PNISR: variants seen among roughly 807,000 people sequenced by gnomAD.
PNISR encodes arginine/serine-rich protein PNISR.
In PNISR, 20 loss-of-function variants were observed where a neutral mutation model predicts 93.4. The observed-to-expected ratio is 0.21, with a 90% CI of 0.15 to 0.31. The LOEUF (loss-of-function observed/expected upper bound fraction) is 0.31, where lower values mean the gene tolerates loss of function less well. Ranked by LOEUF, PNISR falls within the 10% of genes least tolerant of loss-of-function variation. The pLI, the probability that PNISR is intolerant of heterozygous loss-of-function variation, is 1.00. For missense variants in PNISR, 893 were observed against 985.4 expected, an observed-to-expected ratio of 0.91 and a Z score of 1.25; for synonymous variants, 305 against 306.5, an observed-to-expected ratio of 0.99 and a Z score of 0.05.
At chr6:99,413,251 C>A (rs1047865823) in intron 3 of PNISR, among the ~76,000 whole-genome samples, 2 of 152,120 alleles carry the variant, frequency 1.3e-5, no homozygotes, top group African/African-American at 4.8e-5. Flanking sequence ...TTAAATAAGG[C>A]TCCCTTCTCT....
chr6:99,402,474 G>T, intron 11 of PNISR, 66 bp downstream of exon 11: 1 of 1,095,220 alleles, frequency 9.1e-7, no homozygotes, highest in Non-Finnish European at 1.3e-6. Context: ...GATATTTTTA[G>T]GTTAGTTAAA....
At chr6:99,418,821 ACAGGTGGAACACCAAATGGTTAGTCT>A (rs1294933255) in intron 1 of PNISR, among the ~76,000 whole-genome samples, 3 of 152,198 alleles carry the variant, frequency 2.0e-5, no homozygotes, top group Non-Finnish European at 4.4e-5. Context: ...GGATGAGGGC[ACAGGTGGAACACCAAATGGTTAGTCT>A]TTTTAAAAGA....
chr6:99,403,851 T>G lies in PNISR; in HGVS notation c.1134A>C (p.Ala378=), dbSNP rs1247372949. The G allele has an allele frequency of 2.5e-6, 4 of 1,613,356 alleles. No individual in the cohort carries two copies. The Admixed American group carries it at 6.7e-5, about 27-fold the overall frequency. Residue 378 remains alanine (A), a synonymous_variant, in exon 10 of 12, where the codon GCA becomes GCC. Transcript: ENST00000369239. ...APAKQLAQSS[A]LASLTGLGGL... is the part of the protein sequence containing the mutation. Reference sequence around the variant, plus strand: ...TACCGAGTCCAGTGAGGGAAGCCAGTGCACTGGACTGTGCCAGCTGTTTTG... The same window carrying G: ...TACCGAGTCCAGTGAGGGAAGCCAGGGCACTGGACTGTGCCAGCTGTTTTG...
chr6:99,406,083 T>C lies in PNISR; in HGVS notation c.950A>G (p.Gln317Arg), dbSNP rs1218857637. 20 of 1,611,688 alleles carry C rather than the reference T, an allele frequency of 1.2e-5. No homozygotes were observed. The highest frequency in any genetic ancestry group is 1.5e-5 in the Non-Finnish European group (18 of 1,177,920). The change falls in exon 8 of 12, where the codon CAA becomes CGA. Residue 317 changes from glutamine (Q) to arginine (R), a missense_variant. Physicochemically the swap from Gln to Arg is conservative, Grantham distance 43. Coordinates refer to ENST00000369239, the MANE Select transcript of PNISR (RefSeq NM_032870.4). ...CATCTCAGGGTCACTGTGCTCTTCT[T>C]GAGGAACTGGGGATGGACTTCTGGT... is the stretch of plus-strand genomic sequence containing the variant. Reference protein sequence around the residue: ...KVTRSPSPVPQEEHSDPEMTE... With the variant: ...KVTRSPSPVPREEHSDPEMTE...
intron 4 of PNISR, chr6:99,412,161 C>A: frequency 2.3e-6 from 1 of 428,660 alleles, no homozygotes; most frequent in Non-Finnish European, 4.7e-6. Context: ...ACTAATTTGT[C>A]ACACAGTGAC....
At position 99,408,234 on chromosome 6, in the gene PNISR, G is replaced by A. The variant is rs764353331; in HGVS notation, c.711C>T (p.Arg237=). ...VKRRTLPAWI[R]EGLEKMEREK... ...CACGTTCCATTTTTTCAAGACCTTC[G>A]CGAATCCAAGCGGGAAGAGTCCTGC... The change falls in exon 7 of 12, where the codon CGC becomes CGT. Residue 237 remains arginine (R), a synonymous_variant. Coordinates refer to ENST00000369239, the MANE Select transcript of PNISR (RefSeq NM_032870.4). 3.1e-6 allele frequency: 5 copies of A among 1,612,016 alleles called. No homozygotes were observed. Among genetic ancestry groups the A allele is most frequent in the East Asian group, 2.2e-5 (1 of 44,878 alleles).
rs773501327 is a variant in PNISR at position 99,402,588 on chromosome 6, A to C, written c.1279T>G (p.Trp427Gly). 1.9e-6 allele frequency: 3 copies of C among 1,613,562 alleles called. No individual in the cohort carries two copies. Among genetic ancestry groups the C allele is most frequent in the Non-Finnish European group, 8.5e-7 (1 of 1,179,666 alleles). ...HRIRQKQEAF[W>G]RKEKEQQLLH... The stretch of plus-strand genomic sequence containing the variant: ...AGCTGCTGTTCTTTTTCTTTTCTCC[A>C]AAAAGCTTCCTGTTTTTGCCGGATT... The change falls in exon 11 of 12, where the codon TGG (tryptophan) becomes GGG (glycine). Residue 427 changes from tryptophan to glycine, a missense_variant. This residue lies in a region of PNISR where 866 missense variants were observed against 935.1 expected (regional missense o/e 0.93). Coordinates refer to ENST00000369239, the MANE Select transcript of PNISR (RefSeq NM_032870.4).
At chr6:99,425,070 G>A (rs1426122523) in intron 1 of PNISR, 145 bp downstream of exon 1, 2 of 436,440 alleles carry the variant, frequency 4.6e-6, no homozygotes, top group East Asian at 7.2e-5. Context: ...CTGGCGGACC[G>A]CAGCGCTTTA....
At chr6:99,422,967 C>T (rs1010585576) in intron 1 of PNISR, among the ~76,000 whole-genome samples, 2 of 150,384 alleles carry the variant, frequency 1.3e-5, no homozygotes, top group African/African-American at 2.5e-5. Context: ...GTAGCGAGAG[C>T]GCCCAAAATG....
chr6:99,409,234 T>G lies in PNISR; in HGVS notation c.612A>C (p.Ser204=), dbSNP rs773620285. ...TAGGTGAACGCTGACGATCCCTGAA[T>G]GATGATGGCCTTTCTCTTCGATTCT... ...PPQNRRERPS[S]FRDRQRSPIA... Residue 204 remains serine, a synonymous_variant, in exon 6 of 12, where the codon TCA becomes TCC. Coordinates refer to ENST00000369239, the MANE Select transcript of PNISR (RefSeq NM_032870.4). 4 of 1,613,948 alleles carry G rather than the reference T, an allele frequency of 2.5e-6. No homozygotes were observed. The highest frequency in any genetic ancestry group is 3.4e-6 in the Non-Finnish European group (4 of 1,179,976).
chr6:99,423,265 T>A (rs544803881), intron 1 of PNISR, among the ~76,000 whole-genome samples: 1 of 152,028 alleles, frequency 6.6e-6, no homozygotes, highest in Non-Finnish European at 1.5e-5. Context: ...GATTATAATA[T>A]AAGTTATGTA....
At position 99,399,895 on chromosome 6, in the gene PNISR, C is replaced by T. The variant is rs1213961526; in HGVS notation, c.*645G>A. On this transcript the variant is annotated 3_prime_UTR_variant, in exon 12 of 12. Transcript: ENST00000369239. ...GAAGGTACCTTTAAAACCTGTTATACAAAATTCCAGCTGCCTTTTTATAAA... is the reference window on the plus strand; with the variant it reads ...GAAGGTACCTTTAAAACCTGTTATATAAAATTCCAGCTGCCTTTTTATAAA... The T allele has an allele frequency of 6.6e-6, 1 of 152,016 alleles. No individual in the cohort carries two copies. Among genetic ancestry groups the T allele is most frequent in the Non-Finnish European group, 1.5e-5 (1 of 67,968 alleles). 9.4% of individuals were successfully genotyped at this position (152,016 alleles called of 1,614,324 possible).
intron 4 of PNISR, 77 bp from the exon 5 acceptor site, chr6:99,411,041 A>C (rs572907750): frequency 9.2e-7 from 1 of 1,082,062 alleles, no homozygotes; most frequent in Admixed American, 2.0e-5. Flanking sequence ...GATCTCAAGA[A>C]AGATTTTTCA....
chr6:99,421,207 C>T lies in PNISR; in HGVS notation c.-112+4008G>A, dbSNP rs531376656. ...CATGTGGTAAAGTGAACTGCTATTT[C>T]CTTGGAAAACAAATGGGGTCTGGGA... On this transcript the variant is annotated intron_variant, in intron 1 of 11. Coordinates refer to ENST00000369239, the MANE Select transcript of PNISR (RefSeq NM_032870.4). 1.1e-4 allele frequency among the ~76,000 whole-genome samples: 16 copies of T among 152,262 alleles called. No individual in the cohort carries two copies. The East Asian group carries it at 2.3e-3, about 22-fold the overall frequency.
At chr6:99,407,338 C>CAA (rs67886910) in intron 7 of PNISR, among the ~76,000 whole-genome samples, 3,537 of 122,050 alleles carry the variant, frequency 0.029, 93 homozygotes, top group African/African-American at 0.069. Flanking sequence ...CCTAAAAAGA[C>CAA]AAAAAAAAAA....
At chr6:99,417,939 G>A (rs1441228371) in intron 1 of PNISR, among the ~76,000 whole-genome samples, 2 of 135,194 alleles carry the variant, frequency 1.5e-5, no homozygotes, top group Non-Finnish European at 3.1e-5. Context: ...TTGCACTCTA[G>A]CCTGGGCGAC....
At chr6:99,409,057 T>C in intron 6 of PNISR, 116 bp downstream of exon 6, 2 of 755,310 alleles carry the variant, frequency 2.6e-6, no homozygotes, top group Non-Finnish European at 2.2e-6. Context: ...AAAAATAAAG[T>C]GTCAATTCCT....
chr6:99,422,762 T>G (rs1392732510), intron 1 of PNISR, among the ~76,000 whole-genome samples: 4 of 151,484 alleles, frequency 2.6e-5, no homozygotes, highest in Admixed American at 2.6e-4. Flanking sequence ...TAGTCCCAGC[T>G]ACTTAGCAGG....
At chr6:99,406,706 T>G (rs748907353) in intron 7 of PNISR, among the ~76,000 whole-genome samples, 4 of 152,132 alleles carry the variant, frequency 2.6e-5, no homozygotes, top group Admixed American at 6.5e-5. Flanking sequence ...AATAAAAAGA[T>G]AAAAATGAGG....
Sources: gnomAD v4.1 joint callset for allele counts (sites outside exome capture counted in the v4.1 genomes callset) on GRCh38, gnomAD v4.1.1 for gene constraint, gnomAD v4.1.1 regional missense constraint, MANE v1.5 for transcripts, NCBI Gene and HGNC (gene_info 2026-07-23, HGNC 2026-07-21) for gene names.